The following SLC35D4 variants were observed in gnomAD, a reference collection of about 807,000 sequenced individuals.
The protein encoded by SLC35D4 is UDP-N-acetylglucosamine transporter SLC35D4.
At chr18:23,314,464 G>C in the SLC35D4 span, among the ~76,000 whole-genome samples, 1 of 152,170 alleles carries the variant, frequency 6.6e-6, no homozygotes, top group Admixed American at 6.5e-5. Context: ...TTACCCTGGG[G>C]GGGGCTACTA....
At chr18:23,319,275 T>C in the SLC35D4 span, among the ~76,000 whole-genome samples, 2 of 149,348 alleles carry the variant, frequency 1.3e-5, no homozygotes, top group Admixed American at 1.3e-4. Context: ...TTTATTTATT[T>C]ATTTATTTAT....
At chr18:23,320,270 A>G in the SLC35D4 span, among the ~76,000 whole-genome samples, 1 of 152,258 alleles carries the variant, frequency 6.6e-6, no homozygotes, top group Non-Finnish European at 1.5e-5. Flanking sequence ...ATCCTGCTAC[A>G]TCGTGCCCAG....
chr18:23,276,237 A>G, the SLC35D4 span, among the ~76,000 whole-genome samples: 16 of 151,860 alleles, frequency 1.1e-4, no homozygotes, highest in South Asian at 8.3e-4. Context: ...ACAGGCACCC[A>G]CCAAAACGTC....
the SLC35D4 span, among the ~76,000 whole-genome samples, chr18:23,268,666 G>C: frequency 6.6e-6 from 1 of 152,104 alleles, no homozygotes; most frequent in Non-Finnish European, 1.5e-5. Context: ...CAGACGCTGG[G>C]GCAGCAGGAC....
the SLC35D4 span, among the ~76,000 whole-genome samples, chr18:23,413,777 A>G: frequency 6.6e-5 from 10 of 151,434 alleles, no homozygotes; most frequent in African/African-American, 2.2e-4. Flanking sequence ...ATAAAAAAAT[A>G]AAAATAAAAA....
the SLC35D4 span, among the ~76,000 whole-genome samples, chr18:23,336,809 TAA>T: frequency 4.1e-3 from 618 of 152,212 alleles, 6 homozygotes; most frequent in African/African-American, 0.014. Flanking sequence ...AGAAAGACAG[TAA>T]CAGGCTCCCC....
the SLC35D4 span, among the ~76,000 whole-genome samples, chr18:23,418,432 C>T: frequency 2.0e-5 from 3 of 149,872 alleles, no homozygotes; most frequent in Non-Finnish European, 3.0e-5. Flanking sequence ...AGTGCAGTGG[C>T]GTGATCTCGG....
At chr18:23,328,877 G>A in the SLC35D4 span, among the ~76,000 whole-genome samples, 7 of 152,028 alleles carry the variant, frequency 4.6e-5, no homozygotes, top group Non-Finnish European at 8.8e-5. Context: ...AATAGAACAG[G>A]ACAGAGGCCT....
the SLC35D4 span, among the ~76,000 whole-genome samples, chr18:23,298,657 C>T: frequency 2.0e-5 from 3 of 152,154 alleles, no homozygotes; most frequent in African/African-American, 7.2e-5. Flanking sequence ...TTTTAACATG[C>T]CTCTAATGTA....
chr18:23,354,345 C>CAAAAAAA, the SLC35D4 span, among the ~76,000 whole-genome samples: 15 of 99,140 alleles, frequency 1.5e-4, no homozygotes, highest in Admixed American at 5.1e-4. Flanking sequence ...ACTAAAAATA[C>CAAAAAAA]AAAAAAAAAA....
chr18:23,303,513 G>A, the SLC35D4 span, among the ~76,000 whole-genome samples: 5 of 152,192 alleles, frequency 3.3e-5, no homozygotes, highest in East Asian at 1.9e-4. Context: ...TAGCTCTCAC[G>A]TTCAGTTCAA....
At chr18:23,253,971 C>T in the SLC35D4 span, 4 of 1,565,858 alleles carry the variant, frequency 2.6e-6, no homozygotes, top group African/African-American at 1.4e-5. Flanking sequence ...TGGAGGAGCA[C>T]ATGCTCCGGT....
chr18:23,351,946 C>A, the SLC35D4 span, among the ~76,000 whole-genome samples: 3 of 152,330 alleles, frequency 2.0e-5, no homozygotes, highest in Admixed American at 6.5e-5. Flanking sequence ...GACACCTGCA[C>A]AGCCTCCAGG....
the SLC35D4 span, among the ~76,000 whole-genome samples, chr18:23,327,013 A>G: frequency 6.6e-6 from 1 of 152,248 alleles, no homozygotes; most frequent in African/African-American, 2.4e-5. Flanking sequence ...GAACAAAGAC[A>G]CAATGTACCA....
chr18:23,297,212 C>T, the SLC35D4 span: 1 of 152,276 alleles, frequency 6.6e-6, no homozygotes, highest in South Asian at 2.1e-4. Context: ...ACTGTTACGT[C>T]TGTCAATTTA....
the SLC35D4 span, among the ~76,000 whole-genome samples, chr18:23,261,906 G>A: frequency 5.6e-3 from 859 of 152,206 alleles, 8 homozygotes; most frequent in African/African-American, 0.02. Flanking sequence ...TCATAAGCTG[G>A]GGCTTCCATA....
the SLC35D4 span, chr18:23,309,744 T>C: frequency 6.2e-7 from 1 of 1,614,080 alleles, no homozygotes; most frequent in Non-Finnish European, 8.5e-7. Context: ...GCTGTGATTA[T>C]CTGTAGAAAT....
the SLC35D4 span, among the ~76,000 whole-genome samples, chr18:23,337,201 C>T: frequency 3.3e-5 from 5 of 152,206 alleles, no homozygotes; most frequent in South Asian, 2.1e-4. Flanking sequence ...AGGCCGGGCG[C>T]GGTGGCTCAC....
At chr18:23,370,408 G>T in the SLC35D4 span, 4 of 669,814 alleles carry the variant, frequency 6.0e-6, no homozygotes, top group Non-Finnish European at 1.0e-5. Context: ...ACACCCAGCT[G>T]ACAGGAGAAG....
Sources: gnomAD v4.1 joint callset for allele counts (sites outside exome capture counted in the v4.1 genomes callset) on GRCh38, gnomAD v4.1.1 for gene constraint, MANE v1.5 for transcripts, NCBI Gene and HGNC (gene_info 2026-07-23, HGNC 2026-07-21) for gene names.